DEUP1: variants seen among roughly 807,000 people sequenced by gnomAD.
DEUP1 encodes coiled-coil domain containing 67.
DEUP1 carries 82 observed loss-of-function variants against 87.4 expected under a neutral mutation model. The ratio of observed to expected loss-of-function variants is 0.94; its 90% confidence interval spans 0.78 to 1.13. The LOEUF (loss-of-function observed/expected upper bound fraction) is 1.13. Ranked by LOEUF, DEUP1 falls within the 50% of genes most tolerant of loss-of-function variation. The pLI, the probability that DEUP1 is intolerant of heterozygous loss-of-function variation, is 0.00. For missense variants in DEUP1, 663 were observed against 681.5 expected, an observed-to-expected ratio of 0.97 and a Z score of 0.30; for synonymous variants, 214 against 222.7, an observed-to-expected ratio of 0.96 and a Z score of 0.35.
chr11:93,435,745 C>T lies in DEUP1; in HGVS notation c.1639-1798C>T, dbSNP rs1343656402. On this transcript the variant is annotated intron_variant, in intron 13 of 13. Coordinates refer to ENST00000298050, the MANE Select transcript of DEUP1 (RefSeq NM_181645.4). The stretch of plus-strand genomic sequence containing the variant: ...GGCATGGTGGCTCACGCCTGTAATC[C>T]CAGCACTTTGGGAGGCCGAGGAGGG... Among the ~76,000 whole-genome samples, 40 of 152,058 alleles carry T rather than the reference C, an allele frequency of 2.6e-4. 1 individual carries two copies.
chr11:93,344,646 T>A (rs916853032), intron 2 of DEUP1, among the ~76,000 whole-genome samples: 6 of 152,202 alleles, frequency 3.9e-5, no homozygotes, highest in Non-Finnish European at 8.8e-5. Context: ...AATGTAGCAT[T>A]TAATTACTTA....
chr11:93,368,971 C>T (rs532922802), intron 5 of DEUP1, among the ~76,000 whole-genome samples: 11 of 151,610 alleles, frequency 7.3e-5, no homozygotes, highest in African/African-American at 1.7e-4. Flanking sequence ...AAACCACCCC[C>T]GTGCCCACCA....
At chr11:93,392,472 C>T (rs746020618) in intron 9 of DEUP1, among the ~76,000 whole-genome samples, 48 of 152,060 alleles carry the variant, frequency 3.2e-4, no homozygotes, top group Admixed American at 9.2e-4. Flanking sequence ...CTACTTAGAA[C>T]ACACAAAAAG....
intron 9 of DEUP1, among the ~76,000 whole-genome samples, chr11:93,389,836 AAGTATCT>A (rs749709838): frequency 5.3e-5 from 8 of 152,122 alleles, no homozygotes; most frequent in Non-Finnish European, 1.0e-4. Flanking sequence ...AGCTCAGAGG[AAGTATCT>A]AGTAAATATT....
In DEUP1 at chr11:93,415,103, G is replaced by A; in HGVS notation, c.1627G>A (p.Val543Ile). Residue 543 changes from valine to isoleucine, a missense_variant, in exon 13 of 14, where the codon GTA (valine) becomes ATA (isoleucine). Coordinates refer to ENST00000298050, the MANE Select transcript of DEUP1 (RefSeq NM_181645.4). The stretch of plus-strand genomic sequence containing the variant: ...AAGTCCTTTGGTTAGTGATGATGAT[G>A]TATTCCCACTGGTGAGTTGCTGGTT... Reference protein sequence around the residue: ...MTSPLVSDDDVFPLSPPDMSF... With the variant: ...MTSPLVSDDDIFPLSPPDMSF... The A allele has an allele frequency of 1.2e-6, 2 of 1,607,400 alleles. No homozygotes were observed. The highest frequency in any genetic ancestry group is 1.1e-5 in the South Asian group (1 of 90,148).
At chr11:93,388,784 T>G (rs775803299) in intron 8 of DEUP1, among the ~76,000 whole-genome samples, 3 of 152,224 alleles carry the variant, frequency 2.0e-5, no homozygotes, top group Non-Finnish European at 2.9e-5. Flanking sequence ...TTTTAATGTA[T>G]AATTGAAATT....
At chr11:93,352,247 G>A (rs1020272560) in intron 2 of DEUP1, 12 of 656,604 alleles carry the variant, frequency 1.8e-5, no homozygotes, top group African/African-American at 1.8e-4. Flanking sequence ...TACCATCATT[G>A]AAATGGATGC....
chr11:93,385,315 T>C, intron 7 of DEUP1, 83 bp from the exon 8 acceptor site: 4 of 1,293,012 alleles, frequency 3.1e-6, no homozygotes, highest in Non-Finnish European at 4.4e-6. Context: ...TTAGGCTGGT[T>C]TATAGATGTT....
At chr11:93,373,640 T>TATATAC (rs1945880758) in intron 7 of DEUP1, among the ~76,000 whole-genome samples, 1 of 142,358 alleles carries the variant, frequency 7.0e-6, no homozygotes, top group African/African-American at 2.6e-5. Flanking sequence ...TATATATATA[T>TATATAC]ATATATATAT....
chr11:93,368,716 C>T (rs1945547481), intron 5 of DEUP1, among the ~76,000 whole-genome samples: 1 of 152,168 alleles, frequency 6.6e-6, no homozygotes, highest in Non-Finnish European at 1.5e-5. Context: ...GCAGGCAGAT[C>T]ACGAGGTCAG....
chr11:93,334,814 G>C (rs1383880618), intron 2 of DEUP1, among the ~76,000 whole-genome samples: 1 of 151,140 alleles, frequency 6.6e-6, no homozygotes, highest in Non-Finnish European at 1.5e-5. Context: ...TTTTATGTTT[G>C]TTCTTTTTGT....
intron 1 of DEUP1, 107 bp from the exon 2 acceptor site, chr11:93,332,109 A>G: frequency 4.9e-6 from 3 of 612,624 alleles, no homozygotes; most frequent in Admixed American, 5.7e-5. Context: ...GAGCTACTAC[A>G]CAGAAAAACT....
chr11:93,411,443 C>A (rs949823192), intron 12 of DEUP1, among the ~76,000 whole-genome samples: 8 of 152,138 alleles, frequency 5.3e-5, no homozygotes, highest in African/African-American at 1.7e-4. Flanking sequence ...ACATTCTTAA[C>A]CTTTTATTCA....
chr11:93,369,370 CAA>C (rs1234129253), intron 5 of DEUP1, among the ~76,000 whole-genome samples: 2 of 149,754 alleles, frequency 1.3e-5, no homozygotes, highest in Admixed American at 6.7e-5. Context: ...TCTAAAAAAA[CAA>C]GAGGAGAAAT....
intron 2 of DEUP1, among the ~76,000 whole-genome samples, chr11:93,343,791 G>C (rs945059688): frequency 2.0e-5 from 3 of 152,130 alleles, no homozygotes; most frequent in African/African-American, 7.2e-5. Flanking sequence ...ATATGTCCTT[G>C]TTATTATGAT....
intron 2 of DEUP1, among the ~76,000 whole-genome samples, chr11:93,332,888 G>A (rs1033334227): frequency 1.3e-5 from 2 of 152,172 alleles, no homozygotes; most frequent in South Asian, 4.1e-4. Flanking sequence ...CTAGCCAACT[G>A]ACCACTGGCT....
In DEUP1 at chr11:93,364,260, C is replaced by T. The variant is rs1945308842; in HGVS notation, c.398C>T (p.Pro133Leu). 4 of 1,609,642 alleles carry T rather than the reference C, an allele frequency of 2.5e-6. No individual in the cohort carries two copies. Among genetic ancestry groups the T allele is most frequent in the Non-Finnish European group, 3.4e-6 (4 of 1,176,836 alleles). The change falls in exon 5 of 14, where the codon CCC becomes CTC. Residue 133 changes from proline to leucine, a missense_variant. Coordinates refer to ENST00000298050, the MANE Select transcript of DEUP1 (RefSeq NM_181645.4). The stretch of plus-strand genomic sequence containing the variant: ...TTACCACACCTTAAAGAAGAAATAC[C>T]CTTTGAACTGAGCAATTTGAACCAG... The part of the protein sequence containing the change: ...KELPHLKEEI[P>L]FELSNLNQKL...
At position 93,382,590 on chromosome 11, in the gene DEUP1, C is replaced by G. The variant is rs545722485; in HGVS notation, c.790-2808C>G. Among the ~76,000 whole-genome samples, 90 of 152,206 alleles carry G rather than the reference C, an allele frequency of 5.9e-4. 1 individual carries two copies. Among genetic ancestry groups the G allele is most frequent in the Non-Finnish European group, 9.3e-4 (63 of 68,002 alleles). ...CAGCTAACCCTAGCCTGTGGCAACA[C>G]TATATTTTATAGGCCTAAGGTTAGA... is the stretch of plus-strand genomic sequence containing the variant. On this transcript the variant is annotated intron_variant, in intron 7 of 13. Coordinates refer to ENST00000298050, the MANE Select transcript of DEUP1 (RefSeq NM_181645.4).
At position 93,372,994 on chromosome 11, in the gene DEUP1, G is replaced by A. The variant is rs1945817014; in HGVS notation, c.789+1714G>A. 3.3e-5 allele frequency among the ~76,000 whole-genome samples: 5 copies of A among 152,208 alleles called. No homozygotes were observed. In the South Asian group the frequency reaches 6.2e-4, roughly 19 times the overall value. On this transcript the variant is annotated intron_variant, in intron 7 of 13. Coordinates refer to ENST00000298050, the MANE Select transcript of DEUP1 (RefSeq NM_181645.4). Reference sequence around the variant, plus strand: ...GTGATGGGGTCTTTCCTTCTCAGAGGCTGCTGCCTTTTGCTTCGCTAAGTA... The same window carrying A: ...GTGATGGGGTCTTTCCTTCTCAGAGACTGCTGCCTTTTGCTTCGCTAAGTA...
Sources: allele counts gnomAD v4.1 joint callset (sites outside exome capture counted in the v4.1 genomes callset), GRCh38; gene constraint gnomAD v4.1.1; transcripts MANE v1.5; gene names NCBI Gene and HGNC (gene_info 2026-07-23, HGNC 2026-07-21).